TRRAP: variants seen among roughly 807,000 people sequenced by gnomAD.
The protein encoded by TRRAP is transformation/transcription domain-associated protein.
Under a neutral mutation model 438.8 loss-of-function variants are expected in TRRAP, and 41 were observed. The ratio of observed to expected loss-of-function variants is 0.09; its 90% CI spans 0.07 to 0.12. The LOEUF (loss-of-function observed/expected upper bound fraction) is 0.12. Ranked by LOEUF, TRRAP falls within the 10% of genes least tolerant of loss-of-function variation. The pLI, the probability that TRRAP is intolerant of heterozygous loss-of-function variation, is 1.00. For synonymous variants in TRRAP, 1,994 were observed against 1,962.9 expected, an observed-to-expected ratio of 1.02 and a Z score of -0.42; for missense variants, 3,122 against 5,055.1, an observed-to-expected ratio of 0.62 and a Z score of 11.60.
intron 4 of TRRAP, among the ~76,000 whole-genome samples, chr7:98,891,591 A>G (rs1339931022): frequency 1.8e-4 from 25 of 141,454 alleles, no homozygotes; most frequent in African/African-American, 6.7e-4. Context: ...GCTGAAGTGC[A>G]GTGGCGCAGT....
At chr7:98,901,136 G>C (rs900244549) in intron 11 of TRRAP, among the ~76,000 whole-genome samples, 4 of 152,240 alleles carry the variant, frequency 2.6e-5, no homozygotes, top group Non-Finnish European at 5.9e-5. Flanking sequence ...CCATAGGCTA[G>C]GTTGCTTACA....
chr7:98,894,741 G>A (rs1377208603), intron 6 of TRRAP, among the ~76,000 whole-genome samples: 2 of 144,172 alleles, frequency 1.4e-5, no homozygotes, highest in Non-Finnish European at 3.0e-5. Context: ...GCCTCCCCAA[G>A]TAGCTGGGAC....
At chr7:99,007,499 C>A (rs905791341) in intron 69 of TRRAP, among the ~76,000 whole-genome samples, 1 of 145,630 alleles carries the variant, frequency 6.9e-6, no homozygotes, top group African/African-American at 2.6e-5. Context: ...CAGGTGCGCA[C>A]CACCACGCCT....
intron 3 of TRRAP, among the ~76,000 whole-genome samples, chr7:98,887,642 A>G (rs1255203705): frequency 6.8e-6 from 1 of 148,124 alleles, no homozygotes; most frequent in Non-Finnish European, 1.5e-5. Flanking sequence ...GAGGCAGGAG[A>G]ATCACTTGAA....
chr7:98,900,355 G>A (rs983442549), intron 10 of TRRAP, among the ~76,000 whole-genome samples: 3 of 152,120 alleles, frequency 2.0e-5, no homozygotes, highest in South Asian at 2.1e-4. Flanking sequence ...TTCTTTCTGC[G>A]GATTGAGTAG....
At chr7:98,991,721 G>T (rs1156582744) in intron 64 of TRRAP, among the ~76,000 whole-genome samples, 2 of 152,208 alleles carry the variant, frequency 1.3e-5, no homozygotes, top group Non-Finnish European at 2.9e-5. Flanking sequence ...GCAGAATAAA[G>T]TTATTTGATA....
chr7:98,940,547 A>G (rs1790754062), intron 30 of TRRAP, among the ~76,000 whole-genome samples: 1 of 152,136 alleles, frequency 6.6e-6, no homozygotes, highest in African/African-American at 2.4e-5. Context: ...TTAGTGCAGT[A>G]CGAAGACAGC....
Position 98,899,464 on chromosome 7 carries a change from G to T in TRRAP, c.676G>T (p.Ala226Ser), listed in dbSNP as rs1796373490. The change falls in exon 9 of 73, where the codon GCA becomes TCA. Residue 226 changes from alanine to serine, a missense_variant. Coordinates refer to ENST00000456197, the MANE Select transcript of TRRAP (RefSeq NM_001375524.1). The stretch of plus-strand genomic sequence containing the variant: ...GGGATCACTTTCTCTGAAAGTGTTG[G>T]CAGAATTGCCCATTATTGTTGTTTT... ...PRGSLSLKVL[A>S]ELPIIVVLMY... 1 of 1,614,020 alleles carries T rather than the reference G, an allele frequency of 6.2e-7. No homozygotes were observed. The highest frequency in any genetic ancestry group is 8.5e-7 in the Non-Finnish European group (1 of 1,180,034).
At chr7:98,945,542 C>G (rs1288780338) in intron 31 of TRRAP, among the ~76,000 whole-genome samples, 2 of 152,208 alleles carry the variant, frequency 1.3e-5, no homozygotes, top group Admixed American at 1.3e-4. Flanking sequence ...GTTAGACACT[C>G]TCTGTCAGAT....
Position 99,011,278 on chromosome 7 carries a change from A to G in TRRAP, c.11142+23A>G. On this transcript the variant is annotated intron_variant, in intron 71 of 72. Coordinates refer to ENST00000456197, the MANE Select transcript of TRRAP (RefSeq NM_001375524.1). The surrounding 1 kb of genome is among the most constrained non-coding windows in gnomAD (Gnocchi z 7.1). ...CAGGTAACCTGCTTTGAACAGCCAG[A>G]TCCTCTCCTCGTGACATCGCCTTTC... The G allele has an allele frequency of 6.2e-7, 1 of 1,613,512 alleles. No homozygotes were observed. The highest frequency in any genetic ancestry group is 1.3e-5 in the African/African-American group (1 of 75,050).
chr7:98,987,026 T>C (rs1261683492), intron 62 of TRRAP, among the ~76,000 whole-genome samples: 1 of 152,210 alleles, frequency 6.6e-6, no homozygotes, highest in South Asian at 2.1e-4. Flanking sequence ...GGCTCACACC[T>C]GTAATCCTAG....
intron 21 of TRRAP, among the ~76,000 whole-genome samples, chr7:98,922,227 G>T (rs1440550091): frequency 2.0e-5 from 3 of 152,128 alleles, no homozygotes; most frequent in African/African-American, 7.2e-5. Context: ...CCATTCTGAT[G>T]CCTGGCAGGC....
intron 30 of TRRAP, among the ~76,000 whole-genome samples, chr7:98,938,526 G>A (rs1234061695): frequency 1.4e-5 from 2 of 147,190 alleles, no homozygotes; most frequent in Non-Finnish European, 3.0e-5. Context: ...GAGGACATAT[G>A]TGTATATATT....
intron 22 of TRRAP, 133 bp from the exon 23 acceptor site, chr7:98,927,034 A>G (rs1790080479): frequency 1.0e-6 from 1 of 990,968 alleles, no homozygotes; most frequent in Non-Finnish European, 1.5e-6. Flanking sequence ...TGCTGAAATT[A>G]AAGCAGATAA....
At chr7:99,000,656 G>T (rs921115039) in intron 67 of TRRAP, among the ~76,000 whole-genome samples, 15 of 152,250 alleles carry the variant, frequency 9.9e-5, no homozygotes, top group Non-Finnish European at 1.5e-5. Flanking sequence ...GGGGCAGGCC[G>T]CAGCCTAGCT....
At position 98,892,526 on chromosome 7, in the gene TRRAP, G is replaced by C. The variant is rs868988327; in HGVS notation, c.364G>C (p.Glu122Gln). ...NVLSVMFRFL[E>Q]TENEENVLIC... ...TTTGTCTGTGATGTTTCGCTTTTTA[G>C]AGGTAAGTTTTGAGAATTAATTCTT... The change falls in exon 5 of 73, where the codon GAG becomes CAG. Residue 122 changes from glutamate to glutamine, a missense_variant and splice_region_variant. Glu to Gln is a conservative substitution (Grantham distance 29). Around this residue, in one of 24 missense-constraint regions of TRRAP, gnomAD observed 343 missense variants for 564.0 expected, o/e 0.61. Coordinates refer to ENST00000456197, the MANE Select transcript of TRRAP (RefSeq NM_001375524.1). 1.9e-6 allele frequency: 3 copies of C among 1,606,524 alleles called. No individual in the cohort carries two copies. The highest frequency in any genetic ancestry group is 2.5e-6 in the Non-Finnish European group (3 of 1,177,468).
chr7:98,978,429 AC>A (rs2116739633), intron 57 of TRRAP, 106 bp downstream of exon 57: 1 of 1,024,570 alleles, frequency 9.8e-7, no homozygotes, highest in Non-Finnish European at 1.5e-6. Context: ...AAGCTTTGCT[AC>A]TTTATGGCCA....
chr7:98,982,079 C>A, intron 59 of TRRAP, 119 bp downstream of exon 59: 1 of 1,031,826 alleles, frequency 9.7e-7, no homozygotes, highest in Non-Finnish European at 1.3e-6. Flanking sequence ...TTCTGCTTGT[C>A]TTGTCCTCTC....
At chr7:98,886,438 A>ATATCTAGAGAGATATG (rs1795711967) in intron 3 of TRRAP, among the ~76,000 whole-genome samples, 2 of 150,450 alleles carry the variant, frequency 1.3e-5, no homozygotes, top group African/African-American at 5.0e-5. Flanking sequence ...AGAGAGATAT[A>ATATCTAGAGAGATATG]GATATCTAGA....
Sources: allele counts gnomAD v4.1 joint callset (sites outside exome capture counted in the v4.1 genomes callset), GRCh38; gene constraint gnomAD v4.1.1; regional missense constraint gnomAD v4.1.1; non-coding constraint Gnocchi (gnomAD v3.1); transcripts MANE v1.5; gene names NCBI Gene and HGNC (gene_info 2026-07-23, HGNC 2026-07-21).